PTPRT: variants seen among roughly 807,000 people sequenced by gnomAD.
The protein encoded by PTPRT is receptor-type tyrosine-protein phosphatase T.
In PTPRT, 56 loss-of-function variants were observed where a neutral mutation model predicts 176.8. That is an observed-to-expected ratio of 0.32 (90% CI 0.26 to 0.40). PTPRT has a LOEUF of 0.40. Among genes scored for constraint, PTPRT ranks in the 10% least tolerant of loss-of-function variants. PTPRT has a pLI of 1.00. For missense variants in PTPRT, 1,540 were observed against 1,908.2 expected, an observed-to-expected ratio of 0.81 and a Z score of 3.60; for synonymous variants, 783 against 739.0, an observed-to-expected ratio of 1.06 and a Z score of -0.96.
chr20:42,109,205 T>C (rs1986798861), intron 23 of PTPRT, among the ~76,000 whole-genome samples: 1 of 152,208 alleles, frequency 6.6e-6, no homozygotes, highest in African/African-American at 2.4e-5. Context: ...ATCCACAGCT[T>C]ATGGAGTCTT....
chr20:42,631,831 C>T (rs1053306726), intron 7 of PTPRT, among the ~76,000 whole-genome samples: 4 of 152,158 alleles, frequency 2.6e-5, no homozygotes, highest in South Asian at 2.1e-4. Context: ...TACTCAAACT[C>T]TGCACATTTT....
intron 9 of PTPRT, among the ~76,000 whole-genome samples, chr20:42,421,129 C>T (rs2059114418): frequency 6.6e-6 from 1 of 152,034 alleles, no homozygotes; most frequent in Non-Finnish European, 1.5e-5. Flanking sequence ...CATATAAACC[C>T]TCAAAAAGTA....
the PTPRT span, among the ~76,000 whole-genome samples, chr20:42,034,599 A>G: frequency 2.3e-3 from 345 of 152,280 alleles, 2 homozygotes; most frequent in Middle Eastern, 6.8e-3. Flanking sequence ...AGGGTAATGC[A>G]CAGAGATCTT....
intron 9 of PTPRT, among the ~76,000 whole-genome samples, chr20:42,425,197 C>T (rs138635608): frequency 9.9e-5 from 15 of 152,132 alleles, no homozygotes; most frequent in Non-Finnish European, 1.5e-4. Flanking sequence ...TTGCCTGGAG[C>T]GTGAGATGCA....
intron 6 of PTPRT, among the ~76,000 whole-genome samples, chr20:42,699,492 C>T (rs542128266): frequency 1.3e-5 from 2 of 152,018 alleles, no homozygotes; most frequent in Non-Finnish European, 2.9e-5. Context: ...AGAAGACAGA[C>T]TTCCTTCTAT....
intron 7 of PTPRT, among the ~76,000 whole-genome samples, chr20:42,644,441 G>A (rs1407738107): frequency 6.6e-6 from 1 of 152,164 alleles, no homozygotes; most frequent in Admixed American, 6.5e-5. Flanking sequence ...CCAAAGCAGA[G>A]TACAGGGCTT....
chr20:42,993,461 T>C (rs1352574513), intron 1 of PTPRT, among the ~76,000 whole-genome samples: 1 of 69,400 alleles, frequency 1.4e-5, no homozygotes, highest in Non-Finnish European at 2.9e-5. Context: ...TATGTATGTG[T>C]GTGTATATAT....
intron 18 of PTPRT, among the ~76,000 whole-genome samples, chr20:42,131,260 G>A (rs566213341): frequency 2.0e-5 from 3 of 152,282 alleles, no homozygotes; most frequent in South Asian, 4.1e-4. Flanking sequence ...ACAAAGCCTG[G>A]CACCTGACTC....
intron 1 of PTPRT, among the ~76,000 whole-genome samples, chr20:43,024,967 T>C (rs1985852278): frequency 6.6e-6 from 1 of 152,242 alleles, no homozygotes; most frequent in Non-Finnish European, 1.5e-5. Context: ...CCCTGGCTCT[T>C]CTTTGCCATC....
intron 1 of PTPRT, among the ~76,000 whole-genome samples, chr20:42,974,473 G>GCACA (rs143734801): frequency 1.3e-5 from 2 of 149,822 alleles, no homozygotes; most frequent in African/African-American, 2.4e-5. Flanking sequence ...GTGCACGCGC[G>GCACA]CACACACACA....
chr20:42,113,973 T>C (rs1987147434), intron 22 of PTPRT, among the ~76,000 whole-genome samples: 1 of 152,190 alleles, frequency 6.6e-6, no homozygotes, highest in Non-Finnish European at 1.5e-5. Flanking sequence ...GGCCACTCTG[T>C]ATGCTGGAAC....
At chr20:42,463,150 T>C (rs544414836) in intron 8 of PTPRT, among the ~76,000 whole-genome samples, 12 of 152,294 alleles carry the variant, frequency 7.9e-5, no homozygotes, top group African/African-American at 2.9e-4. Context: ...TGCAAGGAGA[T>C]AGACTTACTT....
At chr20:42,675,947 C>G (rs1424629130) in intron 7 of PTPRT, among the ~76,000 whole-genome samples, 1 of 152,184 alleles carries the variant, frequency 6.6e-6, no homozygotes, top group African/African-American at 2.4e-5. Context: ...TCTTAGACGT[C>G]TCTGATTTTA....
At chr20:42,295,482 C>T (rs776205043) in intron 12 of PTPRT, among the ~76,000 whole-genome samples, 1 of 152,034 alleles carries the variant, frequency 6.6e-6, no homozygotes, top group African/African-American at 2.4e-5. Context: ...CCAAAAAATA[C>T]GACTGAGGAA....
intron 1 of PTPRT, among the ~76,000 whole-genome samples, chr20:42,996,780 C>T (rs1395194454): frequency 6.6e-6 from 1 of 152,162 alleles, no homozygotes; most frequent in African/African-American, 2.4e-5. Context: ...TAAGCTTTGA[C>T]ACATATCAAT....
rs540157327 is a variant in PTPRT at position 42,906,357 on chromosome 20, A to G, written c.89-20425T>C. Among the ~76,000 whole-genome samples, 9 of 152,324 alleles carry G rather than the reference A, an allele frequency of 5.9e-5. No homozygotes were observed. The East Asian group carries it at 1.7e-3, about 29-fold the overall frequency. On this transcript the variant is annotated intron_variant, in intron 1 of 30. Coordinates refer to ENST00000373187, the MANE Select transcript of PTPRT (RefSeq NM_007050.6). ...GCTGAGTGGCCCGGCTCCAGGGGGA[A>G]AGCCACGTTCCCACTCCATCTCCCT...
chr20:42,437,908 G>A (rs1218526031), intron 9 of PTPRT, among the ~76,000 whole-genome samples: 3 of 152,198 alleles, frequency 2.0e-5, no homozygotes, highest in African/African-American at 7.2e-5. Flanking sequence ...AATTCATGCT[G>A]CATTGCCCAG....
At chr20:42,903,713 C>A (rs1195857058) in intron 1 of PTPRT, among the ~76,000 whole-genome samples, 1 of 152,158 alleles carries the variant, frequency 6.6e-6, no homozygotes, top group East Asian at 1.9e-4. Flanking sequence ...GGACAGAATA[C>A]AAAGAAGCCT....
chr20:42,900,213 C>A (rs1294472135), intron 1 of PTPRT, among the ~76,000 whole-genome samples: 2 of 152,192 alleles, frequency 1.3e-5, no homozygotes, highest in Non-Finnish European at 2.9e-5. Flanking sequence ...GAGATTGGTT[C>A]ATCTCAAAGC....
Sources: allele counts gnomAD v4.1 joint callset (sites outside exome capture counted in the v4.1 genomes callset), GRCh38; gene constraint gnomAD v4.1.1; transcripts MANE v1.5; gene names NCBI Gene and HGNC (gene_info 2026-07-23, HGNC 2026-07-21).